XRCC4: variants seen among roughly 807,000 people sequenced by gnomAD.
The protein encoded by XRCC4 is DNA repair protein XRCC4.
A neutral mutation model predicts 39.1 loss-of-function variants in XRCC4; 28 were observed. The observed-to-expected ratio is 0.72, with a 90% confidence interval of 0.53 to 0.98. XRCC4 has a LOEUF of 0.98. XRCC4 is among the 50% of genes least tolerant of loss of function. XRCC4 has a pLI of 0.00. For synonymous variants in XRCC4, 123 were observed against 126.4 expected (o/e 0.97, Z 0.18); for missense variants, 350 against 376.4 (o/e 0.93, Z 0.58).
chr5:83,307,366 C>G (rs536320817), intron 7 of XRCC4, among the ~76,000 whole-genome samples: 1 of 152,298 alleles, frequency 6.6e-6, no homozygotes, highest in Admixed American at 6.5e-5. Context: ...ATATTCAACA[C>G]TCAGGGGCTG....
At position 83,203,536 on chromosome 5, in the gene XRCC4, T is replaced by G. The variant is rs573513661; in HGVS notation, c.483-16T>G. On this transcript the variant is annotated splice_polypyrimidine_tract_variant and intron_variant, in intron 4 of 7. Coordinates refer to ENST00000396027, the MANE Select transcript of XRCC4 (RefSeq NM_003401.5). ...AGAACTGCATGACTAATTTGTTTACTTATTTACTTTTTTAGATTTGAAAAA... is the reference window on the plus strand; with the variant it reads ...AGAACTGCATGACTAATTTGTTTACGTATTTACTTTTTTAGATTTGAAAAA... 12 of 1,574,160 alleles carry G rather than the reference T, an allele frequency of 7.6e-6. No individual in the cohort carries two copies. In the South Asian group the frequency reaches 9.8e-5, roughly 13 times the overall value.
At chr5:83,139,842 C>T (rs187069795) in intron 3 of XRCC4, among the ~76,000 whole-genome samples, 4 of 152,256 alleles carry the variant, frequency 2.6e-5, no homozygotes, top group Non-Finnish European at 4.4e-5. Context: ...TATGGGACTA[C>T]GCTTTTCCTT....
At chr5:83,203,167 T>C (rs1032662313) in intron 4 of XRCC4, among the ~76,000 whole-genome samples, 1 of 152,100 alleles carries the variant, frequency 6.6e-6, no homozygotes, top group African/African-American at 2.4e-5. Flanking sequence ...CAAAATAAGA[T>C]TGTAGTTGCT....
intron 7 of XRCC4, among the ~76,000 whole-genome samples, chr5:83,323,098 G>C (rs1320744089): frequency 6.6e-6 from 1 of 152,012 alleles, no homozygotes; most frequent in African/African-American, 2.4e-5. Flanking sequence ...GTTCTTTAAA[G>C]CTACTTAGAA....
intron 3 of XRCC4, among the ~76,000 whole-genome samples, chr5:83,174,362 G>T (rs542264673): frequency 2.0e-5 from 3 of 151,788 alleles, no homozygotes; most frequent in African/African-American, 7.2e-5. Flanking sequence ...GAGTCGTTTT[G>T]TATCTGATAC....
chr5:83,089,804 C>T (rs1561317336), intron 1 of XRCC4, among the ~76,000 whole-genome samples: 1 of 152,110 alleles, frequency 6.6e-6, no homozygotes, highest in African/African-American at 2.4e-5. Context: ...CTACTTTGTG[C>T]AAGAGAAGCA....
At chr5:83,102,836 C>A (rs1156992018) in intron 1 of XRCC4, among the ~76,000 whole-genome samples, 1 of 151,760 alleles carries the variant, frequency 6.6e-6, no homozygotes, top group Admixed American at 6.6e-5. Flanking sequence ...TAGACTTTCA[C>A]ATTCCTACTG....
At chr5:83,122,808 T>G (rs150999611) in intron 3 of XRCC4, among the ~76,000 whole-genome samples, 10 of 152,252 alleles carry the variant, frequency 6.6e-5, no homozygotes, top group African/African-American at 2.4e-4. Context: ...AATTAATTAG[T>G]AGTTTGTAAT....
intron 1 of XRCC4, among the ~76,000 whole-genome samples, chr5:83,083,606 G>T (rs1190697987): frequency 6.6e-6 from 1 of 152,020 alleles, no homozygotes; most frequent in Non-Finnish European, 1.5e-5. Context: ...TCGAACTCCT[G>T]ACCTCGTGAT....
At chr5:83,123,487 A>T (rs569724188) in intron 3 of XRCC4, among the ~76,000 whole-genome samples, 19 of 151,676 alleles carry the variant, frequency 1.3e-4, no homozygotes, top group African/African-American at 4.1e-4. Context: ...CAGTCTATCA[A>T]TCTGTGTTTT....
intron 7 of XRCC4, among the ~76,000 whole-genome samples, chr5:83,312,247 A>G (rs1384151704): frequency 6.6e-6 from 1 of 152,224 alleles, no homozygotes; most frequent in Non-Finnish European, 1.5e-5. Context: ...GAGGAGACTG[A>G]GAAATACAAT....
At chr5:83,364,193 A>G in the XRCC4 span, among the ~76,000 whole-genome samples, 33 of 152,208 alleles carry the variant, frequency 2.2e-4, no homozygotes, top group African/African-American at 7.7e-4. Flanking sequence ...TTTTTGCCCA[A>G]GAACAAAGTG....
chr5:83,198,056 TA>T (rs1366549513), intron 4 of XRCC4, among the ~76,000 whole-genome samples: 2 of 152,284 alleles, frequency 1.3e-5, no homozygotes, highest in African/African-American at 4.8e-5. Flanking sequence ...TTAGCTTCCA[TA>T]AGGCAGTAGT....
intron 3 of XRCC4, among the ~76,000 whole-genome samples, chr5:83,124,974 G>A (rs887353836): frequency 1.3e-5 from 2 of 152,142 alleles, no homozygotes; most frequent in Non-Finnish European, 2.9e-5. Flanking sequence ...AAATATATAA[G>A]ATCTACATTC....
chr5:83,293,003 GATTT>G (rs754064380), intron 7 of XRCC4, among the ~76,000 whole-genome samples: 47 of 151,796 alleles, frequency 3.1e-4, no homozygotes, highest in Non-Finnish European at 5.6e-4. Context: ...AGAAATAACA[GATTT>G]ATTATAGACC....
chr5:83,176,032 AAATAAT>A (rs201674012), intron 3 of XRCC4, among the ~76,000 whole-genome samples: 3 of 151,724 alleles, frequency 2.0e-5, no homozygotes, highest in African/African-American at 4.8e-5. Flanking sequence ...TGTCTATATA[AAATAAT>A]AATAATAATA....
intron 1 of XRCC4, among the ~76,000 whole-genome samples, chr5:83,091,803 T>C (rs1050382150): frequency 6.6e-6 from 1 of 152,214 alleles, no homozygotes; most frequent in African/African-American, 2.4e-5. Context: ...TTGGCTATTG[T>C]CTAGTGCTGC....
downstream of XRCC4, among the ~76,000 whole-genome samples, chr5:83,355,966 A>C (rs1432649225): frequency 1.3e-5 from 2 of 152,202 alleles, no homozygotes; most frequent in Non-Finnish European, 2.9e-5. Context: ...AGAATAAGAA[A>C]AAAATTACAC....
At chr5:83,339,060 A>C (rs1561482594) in intron 7 of XRCC4, among the ~76,000 whole-genome samples, 1 of 152,196 alleles carries the variant, frequency 6.6e-6, no homozygotes, top group Non-Finnish European at 1.5e-5. Context: ...CCTCATCTAC[A>C]CAGCAAATTG....
Sources: allele counts gnomAD v4.1 joint callset (sites outside exome capture counted in the v4.1 genomes callset), GRCh38; gene constraint gnomAD v4.1.1; transcripts MANE v1.5; gene names NCBI Gene and HGNC (gene_info 2026-07-23, HGNC 2026-07-21).